Variants in FLOT1 observed in about 807,000 individuals in gnomAD.
FLOT1 encodes flotillin-1.
FLOT1 carries 40 observed loss-of-function variants against 58.4 expected under a neutral mutation model. That is an observed-to-expected ratio of 0.69 (90% CI 0.53 to 0.89). The LOEUF (loss-of-function observed/expected upper bound fraction) is 0.89, where lower values mean the gene tolerates loss of function less well. Among genes scored for constraint, FLOT1 ranks in the 40% least tolerant of loss-of-function variants. FLOT1 has a pLI of 0.00. For missense variants in FLOT1, 423 were observed against 540.8 expected (o/e 0.78, Z 2.16); for synonymous variants, 178 against 204.2 (o/e 0.87, Z 1.09).
In FLOT1 at chr6:30,728,078, T is replaced by G; in HGVS notation, c.*38A>C. The G allele has an allele frequency of 6.2e-7, 1 of 1,607,286 alleles. No individual in the cohort carries two copies. Among genetic ancestry groups the G allele is most frequent in the South Asian group, 1.1e-5 (1 of 90,946 alleles). On this transcript the variant is annotated 3_prime_UTR_variant, in exon 13 of 13. Transcript: ENST00000376389. ...GCAACAGGAGGATCATTCAGGCAAC[T>G]TCAGCTATGAGGCTGGGCATCTGTG...
At chr6:30,731,175 A>C in intron 8 of FLOT1, 75 bp from the exon 9 acceptor site, 1 of 1,432,168 alleles carries the variant, frequency 7.0e-7, no homozygotes, top group African/African-American at 1.4e-5. Flanking sequence ...CCAGAGCTCC[A>C]GAGTGGGATA....
Position 30,741,909 on chromosome 6 carries a change from A to G in FLOT1, c.44-42T>C, listed in dbSNP as rs942357904. 1 of 1,579,724 alleles carries G rather than the reference A, an allele frequency of 6.3e-7. No homozygotes were observed. The highest frequency in any genetic ancestry group is 1.1e-5 in the South Asian group (1 of 90,260). On this transcript the variant is annotated intron_variant, in intron 2 of 12. Coordinates refer to ENST00000376389, the MANE Select transcript of FLOT1 (RefSeq NM_005803.4). This position sits in a 1 kb window ranked among gnomAD's most constrained non-coding sequence, Gnocchi z 5.9. ...AGTGAGGAACGGTGGCAGAGCTTGA[A>G]TGTGGAAGACTGAGGAACTGGCGGG...
rs372448851 is a variant in FLOT1 at position 30,728,068 on chromosome 6, T to C, written c.*48A>G. 59 of 1,592,146 alleles carry C rather than the reference T, an allele frequency of 3.7e-5. No homozygotes were observed. In the African/African-American group the frequency reaches 7.9e-4, roughly 21 times the overall value. On this transcript the variant is annotated 3_prime_UTR_variant, in exon 13 of 13. Transcript: ENST00000376389. ...TGGGTTACATGCAACAGGAGGATCATTCAGGCAACTTCAGCTATGAGGCTG... is the reference window on the plus strand; with the variant it reads ...TGGGTTACATGCAACAGGAGGATCACTCAGGCAACTTCAGCTATGAGGCTG...
rs985665707 is a variant in FLOT1, at chr6:30,740,229, G to C, written c.652C>G (p.Leu218Val). The change falls in exon 8 of 13, where the codon CTG becomes GTG. Residue 218 changes from leucine to valine, a missense_variant. Leu to Val is a conservative substitution (Grantham distance 32). Coordinates refer to ENST00000376389, the MANE Select transcript of FLOT1 (RefSeq NM_005803.4). ...TCGATGTCATAGGCGGCCTTCTTCAGTTCGTAATCTCTCTGTGCCTTGGCC... is the reference window on the plus strand; with the variant it reads ...TCGATGTCATAGGCGGCCTTCTTCACTTCGTAATCTCTCTGTGCCTTGGCC... Reference protein sequence around the residue: ...EMAKAQRDYELKKAAYDIEVN... With the variant: ...EMAKAQRDYEVKKAAYDIEVN... 1 of 1,612,996 alleles carries C rather than the reference G, an allele frequency of 6.2e-7. No individual in the cohort carries two copies. Among genetic ancestry groups the C allele is most frequent in the Non-Finnish European group, 8.5e-7 (1 of 1,180,012 alleles).
At chr6:30,736,626 C>CTTTTTTTTTTTT in intron 8 of FLOT1, among the ~76,000 whole-genome samples, 1 of 150,598 alleles carries the variant, frequency 6.6e-6, no homozygotes, top group African/African-American at 2.4e-5. Context: ...CAGAGTCTCA[C>CTTTTTTTTTTTT]TCTGTCATCC....
chr6:30,741,817 G>A lies in FLOT1; in HGVS notation c.94C>T (p.Leu32=), dbSNP rs1426726838. The change falls in exon 3 of 13, where the codon CTG becomes TTG. Residue 32 remains leucine, a synonymous_variant. Transcript: ENST00000376389. This position sits in a 1 kb window ranked among gnomAD's most constrained non-coding sequence, Gnocchi z 5.9. ...CTCTGGATCTGTTGGATGCAGGGCAGGACAAAGACACGCCCTCCAGCCACC... is the reference window on the plus strand; with the variant it reads ...CTCTGGATCTGTTGGATGCAGGGCAAGACAAAGACACGCCCTCCAGCCACC... ...VMVAGGRVFV[L]PCIQQIQRIS... is the part of the protein sequence containing the mutation. 6.2e-7 allele frequency: 1 copy of A among 1,612,892 alleles called. No individual in the cohort carries two copies. The highest frequency in any genetic ancestry group is 8.5e-7 in the Non-Finnish European group (1 of 1,180,030).
Position 30,741,607 on chromosome 6 carries a change from G to C in FLOT1, c.210+7C>G. ...GGACTGTGGGGAAAAGGCTCTGAAA[G>C]CTTCACCTGGGCAATGCCAGTGACT... On this transcript the variant is annotated splice_region_variant and intron_variant, in intron 4 of 12. Transcript: ENST00000376389. The surrounding 1 kb of genome is among the most constrained non-coding windows in gnomAD (Gnocchi z 5.9). 2 of 1,605,418 alleles carry C rather than the reference G, an allele frequency of 1.2e-6. No individual in the cohort carries two copies. The highest frequency in any genetic ancestry group is 1.7e-6 in the Non-Finnish European group (2 of 1,173,352).
rs1322099029 is a variant in FLOT1, at chr6:30,730,658, G to T, written c.951+24C>A. The T allele has an allele frequency of 2.5e-6, 4 of 1,613,684 alleles. No individual in the cohort carries two copies. The African/African-American group carries it at 5.3e-5, about 22-fold the overall frequency. ...CAACCCCCACCCTCTCCACAAGCCA[G>T]CATGGAACTGCCTCTTAACTCACCC... is the stretch of plus-strand genomic sequence containing the variant. On this transcript the variant is annotated intron_variant, in intron 10 of 12. Transcript: ENST00000376389.
chr6:30,741,471 G>A lies in FLOT1; in HGVS notation c.211-138C>T. ...GAAAGGAGGAGGAGGCAAGTGCCTT[G>A]GGGTGCCTGGAAAAGATGAGACTAG... is the stretch of plus-strand genomic sequence containing the variant. On this transcript the variant is annotated intron_variant, in intron 4 of 12. Coordinates refer to ENST00000376389, the MANE Select transcript of FLOT1 (RefSeq NM_005803.4). The surrounding 1 kb of genome is among the most constrained non-coding windows in gnomAD (Gnocchi z 5.9). 1 of 1,315,554 alleles carries A rather than the reference G, an allele frequency of 7.6e-7. No homozygotes were observed. Among genetic ancestry groups the A allele is most frequent in the African/African-American group, 1.5e-5 (1 of 68,644 alleles). The allele number at this position is 1,315,554 out of a possible 1,614,324, so 81.5% of individuals were successfully genotyped here.
chr6:30,741,878 T>TG lies in FLOT1; in HGVS notation c.44-12dup. On this transcript the variant is annotated splice_polypyrimidine_tract_variant and intron_variant, in intron 2 of 12. Transcript: ENST00000376389. This position sits in a 1 kb window ranked among gnomAD's most constrained non-coding sequence, Gnocchi z 5.9. ...GGCTTCGGCAGAACCCTGCAAGGTGTGGGGCAGTGAGGAACGGTGGCAGAG... is the reference window on the plus strand; with the variant it reads ...GGCTTCGGCAGAACCCTGCAAGGTGTGGGGGCAGTGAGGAACGGTGGCAGAG... The TG allele has an allele frequency of 6.2e-7, 1 of 1,611,426 alleles. No homozygotes were observed. Among genetic ancestry groups the TG allele is most frequent in the Non-Finnish European group, 8.5e-7 (1 of 1,179,540 alleles).
Position 30,741,493 on chromosome 6 carries a change from C to T in FLOT1, c.210+121G>A. On this transcript the variant is annotated intron_variant, in intron 4 of 12. Coordinates refer to ENST00000376389, the MANE Select transcript of FLOT1 (RefSeq NM_005803.4). This position sits in a 1 kb window ranked among gnomAD's most constrained non-coding sequence, Gnocchi z 5.9. ...CTTGGGGTGCCTGGAAAAGATGAGA[C>T]TAGCAGAGGAACTTCTCTGCAGGCA... 1 of 1,253,416 alleles carries T rather than the reference C, an allele frequency of 8.0e-7. No individual in the cohort carries two copies. The highest frequency in any genetic ancestry group is 1.2e-6 in the Non-Finnish European group (1 of 868,320). The allele number at this position is 1,253,416 out of a possible 1,614,324, so 77.6% of individuals were successfully genotyped here.
At position 30,736,565 on chromosome 6, in the gene FLOT1, C is replaced by G. The variant is rs1385728402; in HGVS notation, c.723+3593G>C. Among the ~76,000 whole-genome samples the G allele has an allele frequency of 6.7e-5, 10 of 148,768 alleles. No individual in the cohort carries two copies. In the South Asian group the frequency reaches 1.1e-3, roughly 16 times the overall value. ...GTAAAATTAGCTACATTTGTTTAAT[C>G]CATCATCTCTGAAAAAGAGCCCAAC... On this transcript the variant is annotated intron_variant, in intron 8 of 12. Transcript: ENST00000376389.
rs1471747491 is a variant in FLOT1 at position 30,737,998 on chromosome 6, A to T, written c.723+2160T>A. On this transcript the variant is annotated intron_variant, in intron 8 of 12. Transcript: ENST00000376389. The surrounding 1 kb of genome is among the most constrained non-coding windows in gnomAD (Gnocchi z 4.4). The stretch of plus-strand genomic sequence containing the variant: ...CGAGAAACTGATAAAAGTTGAAAAG[A>T]GTCCAACCAGTCCAATCCCTTAATC... Among the ~76,000 whole-genome samples the T allele has an allele frequency of 6.6e-6, 1 of 152,250 alleles. No homozygotes were observed. The highest frequency in any genetic ancestry group is 2.4e-5 in the African/African-American group (1 of 41,470).
chr6:30,731,899 G>A (rs1777230843), intron 8 of FLOT1, among the ~76,000 whole-genome samples: 1 of 152,112 alleles, frequency 6.6e-6, no homozygotes, highest in Admixed American at 6.5e-5. Context: ...AGCTTCTTGT[G>A]TATCCTTCCA....
chr6:30,728,923 A>T (rs927547000), intron 12 of FLOT1, among the ~76,000 whole-genome samples: 25 of 151,638 alleles, frequency 1.6e-4, no homozygotes, highest in Admixed American at 1.4e-3. Flanking sequence ...CTGGGACTAC[A>T]GGCACACACC....
Position 30,742,595 on chromosome 6 carries a change from C to T in FLOT1, c.-83G>A. ...GCGGGGTCGCGCAGGGACCTGGGAG[C>T]CGGGCAGGGGCCGCTCGCAGACCAG... On this transcript the variant is annotated 5_prime_UTR_variant, in exon 1 of 13. Transcript: ENST00000376389. This position sits in a 1 kb window ranked among gnomAD's most constrained non-coding sequence, Gnocchi z 5.2. 4.3e-6 allele frequency: 1 copy of T among 231,836 alleles called. No individual in the cohort carries two copies. Among genetic ancestry groups the T allele is most frequent in the South Asian group, 6.0e-5 (1 of 16,682 alleles). The allele number at this position is 231,836 out of a possible 1,614,324, so 14.4% of individuals were successfully genotyped here.
Position 30,730,981 on chromosome 6 carries a change from GGCCTCCA to G in FLOT1, c.836_842del (p.Leu279ProfsTer17). The G allele has an allele frequency of 6.2e-7, 1 of 1,613,948 alleles. No individual in the cohort carries two copies. The highest frequency in any genetic ancestry group is 8.5e-7 in the Non-Finnish European group (1 of 1,179,968). ...CCGCTTCCGCTGGCTTCCGCACCCGGGCCTCCAGCTCCTTCTCCCGCCGGGCGATCTC... is the reference window on the plus strand; with the variant it reads ...CCGCTTCCGCTGGCTTCCGCACCCGGGCTCCTTCTCCCGCCGGGCGATCTC... On this transcript the variant is annotated frameshift_variant, in exon 9 of 13. Coordinates refer to ENST00000376389, the MANE Select transcript of FLOT1 (RefSeq NM_005803.4). LOFTEE classifies it high-confidence loss of function.
intron 8 of FLOT1, among the ~76,000 whole-genome samples, chr6:30,731,795 G>A (rs1356097900): frequency 6.6e-6 from 1 of 152,016 alleles, no homozygotes; most frequent in Admixed American, 6.6e-5. Flanking sequence ...TTTTGCACAT[G>A]GTGCAGATTT....
intron 8 of FLOT1, among the ~76,000 whole-genome samples, chr6:30,734,722 C>G (rs984652171): frequency 1.3e-5 from 2 of 151,896 alleles, no homozygotes; most frequent in African/African-American, 4.8e-5. Context: ...CCCTGGCTTT[C>G]TTGGTTGCTC....
Sources: allele counts gnomAD v4.1 joint callset (sites outside exome capture counted in the v4.1 genomes callset), GRCh38; gene constraint gnomAD v4.1.1; non-coding constraint Gnocchi (gnomAD v3.1); transcripts MANE v1.5; gene names NCBI Gene and HGNC (gene_info 2026-07-23, HGNC 2026-07-21).